STN1: variants seen among roughly 807,000 people sequenced by gnomAD.
The protein encoded by STN1 is STN1 subunit of CST complex.
Under a neutral mutation model 45.5 loss-of-function variants are expected in STN1, and 29 were observed. The ratio of observed to expected loss-of-function variants is 0.64; its 90% confidence interval spans 0.47 to 0.87. The LOEUF (loss-of-function observed/expected upper bound fraction) is 0.87, where lower values mean the gene tolerates loss of function less well. Ranked by LOEUF, STN1 falls within the 40% of genes least tolerant of loss-of-function variation. STN1 has a pLI of 0.00. For synonymous variants in STN1, 148 were observed against 159.0 expected, an observed-to-expected ratio of 0.93 and a Z score of 0.52; for missense variants, 376 against 441.4, an observed-to-expected ratio of 0.85 and a Z score of 1.33.
chr10:103,905,259 T>C (rs932714230), intron 3 of STN1, 103 bp from the exon 4 acceptor site: 6 of 1,005,278 alleles, frequency 6.0e-6, no homozygotes, highest in Non-Finnish European at 9.4e-6. Flanking sequence ...CCTCTTTCAA[T>C]AGCCTGGAGA....
intron 8 of STN1, among the ~76,000 whole-genome samples, chr10:103,891,427 C>A (rs1331018809): frequency 6.6e-6 from 1 of 152,072 alleles, no homozygotes. Context: ...CAGGAGATAC[C>A]CGGCAATGTC....
intron 3 of STN1, among the ~76,000 whole-genome samples, chr10:103,905,981 G>A (rs183839164): frequency 3.3e-5 from 5 of 152,222 alleles, no homozygotes; most frequent in African/African-American, 1.2e-4. Context: ...TGCTAAGCAT[G>A]GGGTCAGTGG....
chr10:103,917,334 A>C, intron 2 of STN1, 128 bp downstream of exon 2: 2 of 648,242 alleles, frequency 3.1e-6, no homozygotes, highest in Non-Finnish European at 4.9e-6. Context: ...GCGAAGGTCC[A>C]GGCTAGGTCC....
intron 2 of STN1, among the ~76,000 whole-genome samples, chr10:103,914,362 A>ATTTTTT (rs1564636144): frequency 8.0e-5 from 1 of 12,446 alleles, no homozygotes; most frequent in African/African-American, 2.2e-4. Context: ...ATATATATAT[A>ATTTTTT]TATATATATA....
At chr10:103,904,382 G>C (rs1843227926) in intron 4 of STN1, among the ~76,000 whole-genome samples, 1 of 151,860 alleles carries the variant, frequency 6.6e-6, no homozygotes, top group South Asian at 2.1e-4. Flanking sequence ...TTGGGAGGCT[G>C]AGGCAGGAGG....
At chr10:103,912,837 T>C (rs901703034) in intron 2 of STN1, among the ~76,000 whole-genome samples, 17 of 152,202 alleles carry the variant, frequency 1.1e-4, no homozygotes, top group Non-Finnish European at 2.1e-4. Context: ...CTGGCCTACG[T>C]GATGGTCCTT....
chr10:103,910,402 G>C (rs1843281819), intron 3 of STN1, 125 bp downstream of exon 3: 1 of 564,526 alleles, frequency 1.8e-6, no homozygotes, highest in Non-Finnish European at 3.2e-6. Flanking sequence ...ACCCCATAGA[G>C]AAAGTACATG....
intron 3 of STN1, among the ~76,000 whole-genome samples, chr10:103,908,692 C>T (rs895638184): frequency 1.3e-5 from 2 of 152,208 alleles, no homozygotes; most frequent in African/African-American, 4.8e-5. Context: ...CAGACACTCA[C>T]TCAGAGGGAA....
chr10:103,880,766 C>T lies in STN1; in HGVS notation c.*1918G>A, dbSNP rs1220651563. The stretch of plus-strand genomic sequence containing the variant: ...TAGAAAAGAGGTCTGGGACTGAGTC[C>T]TCAGGGAGGCAGAGCACTGAACAAA... On this transcript the variant is annotated 3_prime_UTR_variant, in exon 10 of 10. Coordinates refer to ENST00000224950, the MANE Select transcript of STN1 (RefSeq NM_024928.5). Among the ~76,000 whole-genome samples the T allele has an allele frequency of 6.6e-6, 1 of 152,140 alleles. No individual in the cohort carries two copies. Among genetic ancestry groups the T allele is most frequent in the Admixed American group, 6.5e-5 (1 of 15,278 alleles).
intron 7 of STN1, among the ~76,000 whole-genome samples, chr10:103,892,990 G>A (rs1179324782): frequency 6.6e-6 from 1 of 152,110 alleles, no homozygotes; most frequent in Non-Finnish European, 1.5e-5. Flanking sequence ...CTTGAGTCAG[G>A]GACTTTGTTT....
intron 4 of STN1, among the ~76,000 whole-genome samples, chr10:103,901,602 G>C (rs1430565908): frequency 6.6e-6 from 1 of 152,134 alleles, no homozygotes; most frequent in Non-Finnish European, 1.5e-5. Context: ...TATAACAGTA[G>C]AGTCTACCTC....
intron 7 of STN1, among the ~76,000 whole-genome samples, chr10:103,892,808 C>A (rs780734951): frequency 7.9e-5 from 12 of 152,198 alleles, no homozygotes; most frequent in African/African-American, 2.7e-4. Context: ...GCACAGTCCC[C>A]ACCTAGAAGG....
intron 2 of STN1, among the ~76,000 whole-genome samples, chr10:103,914,500 G>A (rs1290945334): frequency 4.0e-5 from 6 of 149,662 alleles, no homozygotes; most frequent in African/African-American, 1.2e-4. Context: ...TCAGCCTCCT[G>A]ACTAACTGGG....
Position 103,881,906 on chromosome 10 carries a change from C to A in STN1, c.*778G>T, listed in dbSNP as rs140657722. Among the ~76,000 whole-genome samples, 1 of 152,316 alleles carries A rather than the reference C, an allele frequency of 6.6e-6. No individual in the cohort carries two copies. Among genetic ancestry groups the A allele is most frequent in the Non-Finnish European group, 1.5e-5 (1 of 68,036 alleles). The stretch of plus-strand genomic sequence containing the variant: ...ACATCCTGCACACTCAGCGGCAACC[C>A]TGAAAATAACATCTACCACCTGCCA... On this transcript the variant is annotated 3_prime_UTR_variant, in exon 10 of 10. Transcript: ENST00000224950.
chr10:103,881,772 G>T lies in STN1; in HGVS notation c.*912C>A, dbSNP rs933114487. Among the ~76,000 whole-genome samples the T allele has an allele frequency of 6.6e-6, 1 of 152,280 alleles. No individual in the cohort carries two copies. The highest frequency in any genetic ancestry group is 2.1e-4 in the South Asian group (1 of 4,814). ...ATTTGTCATTTTGCTGTCAGAACAG[G>T]CCTACAACATACCTCAGATGTTTTT... On this transcript the variant is annotated 3_prime_UTR_variant, in exon 10 of 10. Coordinates refer to ENST00000224950, the MANE Select transcript of STN1 (RefSeq NM_024928.5).
At chr10:103,911,538 G>A (rs900692582) in intron 2 of STN1, among the ~76,000 whole-genome samples, 7 of 152,044 alleles carry the variant, frequency 4.6e-5, no homozygotes, top group African/African-American at 1.5e-4. Flanking sequence ...TTCATATGGT[G>A]ATTTCCTTTT....
At chr10:103,903,184 A>C (rs1425011310) in intron 4 of STN1, among the ~76,000 whole-genome samples, 1 of 152,152 alleles carries the variant, frequency 6.6e-6, no homozygotes, top group Non-Finnish European at 1.5e-5. Context: ...TGTACTACCT[A>C]TGGTTACTTT....
chr10:103,897,854 T>C (rs1843181654), intron 6 of STN1, 135 bp from the exon 7 acceptor site: 2 of 720,492 alleles, frequency 2.8e-6, no homozygotes, highest in Non-Finnish European at 4.5e-6. Flanking sequence ...GAGTAATATA[T>C]ACAGGGAACA....
At position 103,882,731 on chromosome 10, in the gene STN1, G is replaced by A; in HGVS notation, c.1060C>T (p.Gln354Ter). Residue 354 changes from glutamine (Q) to a stop codon, truncating the protein, a stop_gained, in exon 10 of 10, where the codon CAG becomes TAG. Coordinates refer to ENST00000224950, the MANE Select transcript of STN1 (RefSeq NM_024928.5). LOFTEE classifies it high-confidence loss of function. ...LQQVLELLEDQSDIVSTMEHY... is the reference protein window; with the variant it reads ...LQQVLELLED ...TCCATTGTGCTGACAATGTCACTCT[G>A]GTCCTCCAGGAGCTCCAGAACTTGC... 6.2e-7 allele frequency: 1 copy of A among 1,614,166 alleles called. No individual in the cohort carries two copies.
Sources: gnomAD v4.1 joint callset for allele counts (sites outside exome capture counted in the v4.1 genomes callset) on GRCh38, gnomAD v4.1.1 for gene constraint, MANE v1.5 for transcripts, NCBI Gene and HGNC (gene_info 2026-07-23, HGNC 2026-07-21) for gene names.